The following R3HDM1 variants were observed in gnomAD, a reference collection of about 807,000 sequenced individuals.
R3HDM1 encodes R3H domain containing 1.
In R3HDM1, 46 loss-of-function variants were observed where a neutral mutation model predicts 141.1. The ratio of observed to expected loss-of-function variants is 0.33; its 90% CI spans 0.26 to 0.42. The LOEUF is 0.42. Ranked by LOEUF, R3HDM1 falls within the 10% of genes least tolerant of loss-of-function variation. The pLI, the probability that R3HDM1 is intolerant of heterozygous loss-of-function variation, is 1.00. For missense variants in R3HDM1, 1,184 were observed against 1,368.3 expected (o/e 0.87, Z 2.12); for synonymous variants, 435 against 472.9 (o/e 0.92, Z 1.04).
At chr2:135,677,169 G>A (rs1433924087) in intron 20 of R3HDM1, among the ~76,000 whole-genome samples, 1 of 152,200 alleles carries the variant, frequency 6.6e-6, no homozygotes, top group Non-Finnish European at 1.5e-5. Flanking sequence ...TGAAATTAAA[G>A]TGTGAAATGT....
intron 7 of R3HDM1, among the ~76,000 whole-genome samples, chr2:135,628,342 G>A (rs892851289): frequency 6.6e-6 from 1 of 152,132 alleles, no homozygotes; most frequent in African/African-American, 2.4e-5. Flanking sequence ...GCTACTAAAA[G>A]CAGGGTATCT....
At chr2:135,568,124 C>T (rs540963177) in intron 1 of R3HDM1, among the ~76,000 whole-genome samples, 2 of 151,488 alleles carry the variant, frequency 1.3e-5, no homozygotes, top group South Asian at 2.1e-4. Context: ...GGTTCAATCA[C>T]GCCTCACTGC....
At chr2:135,632,698 A>C (rs1169919616) in intron 9 of R3HDM1, among the ~76,000 whole-genome samples, 1 of 152,226 alleles carries the variant, frequency 6.6e-6, no homozygotes, top group Admixed American at 6.5e-5. Context: ...ATCCTAAAAC[A>C]ACTAGCTGAG....
At chr2:135,666,925 A>AAC (rs923516175) in intron 19 of R3HDM1, 38 of 251,214 alleles carry the variant, frequency 1.5e-4, no homozygotes, top group African/African-American at 8.4e-4. Flanking sequence ...CATCTTTAAA[A>AAC]AAAAAAAAAA....
intron 1 of R3HDM1, among the ~76,000 whole-genome samples, chr2:135,600,282 C>T (rs1391385645): frequency 6.6e-6 from 1 of 151,902 alleles, no homozygotes; most frequent in Non-Finnish European, 1.5e-5. Context: ...TAGAAGCCTT[C>T]AAATGAGAGC....
At chr2:135,651,284 A>G in intron 17 of R3HDM1, 1 of 985,092 alleles carries the variant, frequency 1.0e-6, no homozygotes, top group Non-Finnish European at 1.2e-6. Context: ...TAGAATTTGC[A>G]TTTTGCCTTC....
intron 1 of R3HDM1, among the ~76,000 whole-genome samples, chr2:135,540,598 T>C (rs113788138): frequency 6.6e-6 from 1 of 152,146 alleles, no homozygotes; most frequent in East Asian, 1.9e-4. Flanking sequence ...TTATTTATTT[T>C]TGTAGGGACA....
At chr2:135,552,928 G>A (rs1490690370) in intron 1 of R3HDM1, among the ~76,000 whole-genome samples, 4 of 152,024 alleles carry the variant, frequency 2.6e-5, no homozygotes, top group African/African-American at 9.6e-5. Flanking sequence ...CCAGGCTGAA[G>A]AGTGCAGTGG....
chr2:135,571,980 G>A (rs1309320591), intron 1 of R3HDM1, among the ~76,000 whole-genome samples: 1 of 144,406 alleles, frequency 6.9e-6, no homozygotes, highest in Non-Finnish European at 1.5e-5. Context: ...GTCTCACTTC[G>A]TCATCCAGGC....
At chr2:135,558,778 A>G (rs1186922380) in intron 1 of R3HDM1, among the ~76,000 whole-genome samples, 1 of 152,182 alleles carries the variant, frequency 6.6e-6, no homozygotes, top group East Asian at 1.9e-4. Context: ...CTGTCTTGGC[A>G]ATTTAAAATT....
chr2:135,704,921 T>C (rs1466055029), intron 21 of R3HDM1, among the ~76,000 whole-genome samples: 1 of 152,214 alleles, frequency 6.6e-6, no homozygotes, highest in Admixed American at 6.5e-5. Context: ...TTGCAGAACA[T>C]TTAGGTCGTA....
At chr2:135,579,704 A>G (rs1352854675) in intron 1 of R3HDM1, among the ~76,000 whole-genome samples, 2 of 152,050 alleles carry the variant, frequency 1.3e-5, no homozygotes, top group Non-Finnish European at 2.9e-5. Flanking sequence ...AAAGGGCACA[A>G]TTTCACTTCC....
intron 1 of R3HDM1, among the ~76,000 whole-genome samples, chr2:135,537,405 C>T (rs969256080): frequency 6.7e-6 from 1 of 149,226 alleles, no homozygotes; most frequent in Non-Finnish European, 1.5e-5. Flanking sequence ...CCTTCCTCAG[C>T]CCCCCCAAGT....
Position 135,597,017 on chromosome 2 carries a change from T to C in R3HDM1, c.-249-5483T>C, listed in dbSNP as rs193235826. ...CACAATGTATGAGAGGCCCATTGTC[T>C]TCCCCATTTCTCCACTCAGAATGCA... is the stretch of plus-strand genomic sequence containing the variant. On this transcript the variant is annotated intron_variant, in intron 1 of 26. Transcript: ENST00000683871. The C allele has an allele frequency of 5.1e-6, 5 of 984,224 alleles. No individual in the cohort carries two copies. In the Admixed American group the frequency reaches 3.1e-4, roughly 60 times the overall value. The allele number at this position is 984,224 out of a possible 1,614,324, so 61.0% of individuals were successfully genotyped here. A position where few individuals can be genotyped will look rare whatever the true frequency, so the allele number is the denominator to read the frequency against.
chr2:135,623,061 A>G lies in R3HDM1; in HGVS notation c.497+329A>G, dbSNP rs183592796. The G allele has an allele frequency of 1.1e-3, 1,050 of 974,192 alleles. 9 individuals carry two copies. The highest frequency in any genetic ancestry group is 8.8e-3 in the African/African-American group (501 of 57,064). The allele number at this position is 974,192 out of a possible 1,614,324, so 60.3% of individuals were successfully genotyped here. A position where few individuals can be genotyped will look rare whatever the true frequency, so the allele number is the denominator to read the frequency against. On this transcript the variant is annotated intron_variant, in intron 7 of 26. Transcript: ENST00000683871. ...ATCTCACCATAGTGCACTCAACCAA[A>G]TAAGAACTTAGTGTATTCACTTATG...
rs145685361 is a variant in R3HDM1 at position 135,574,736 on chromosome 2, C to G, written c.-249-27764C>G. ...GGAAAACTCAGTGTCTCCATAGGTG[C>G]TGAAGGAGCCTTCAACAAGACCACC... On this transcript the variant is annotated intron_variant, in intron 1 of 26. Transcript: ENST00000683871. Among the ~76,000 whole-genome samples, 670 of 152,266 alleles carry G rather than the reference C, an allele frequency of 4.4e-3. 8 individuals carry two copies. Among genetic ancestry groups the G allele is most frequent in the African/African-American group, 0.015 (627 of 41,554 alleles).
chr2:135,665,965 A>G (rs535700650), intron 19 of R3HDM1, among the ~76,000 whole-genome samples: 37 of 152,330 alleles, frequency 2.4e-4, no homozygotes, highest in Admixed American at 1.2e-3. Flanking sequence ...AAGCAAAATG[A>G]TTCTGTGAAA....
At chr2:135,604,721 C>G in intron 2 of R3HDM1, 85 bp from the exon 3 acceptor site, 2 of 1,051,014 alleles carry the variant, frequency 1.9e-6, no homozygotes, top group Non-Finnish European at 2.8e-6. Context: ...AACATTATTT[C>G]TGGAACATAA....
chr2:135,657,219 A>G (rs551421565), intron 18 of R3HDM1, among the ~76,000 whole-genome samples: 1 of 151,938 alleles, frequency 6.6e-6, no homozygotes, highest in East Asian at 1.9e-4. Flanking sequence ...CCTGGCCAAC[A>G]TGGTGAAATC....
Sources: gnomAD v4.1 joint callset for allele counts (sites outside exome capture counted in the v4.1 genomes callset) on GRCh38, gnomAD v4.1.1 for gene constraint, MANE v1.5 for transcripts, NCBI Gene and HGNC (gene_info 2026-07-23, HGNC 2026-07-21) for gene names.